The following FAM227B variants were observed in gnomAD, a reference collection of about 807,000 sequenced individuals.
FAM227B encodes the protein protein FAM227B.
FAM227B carries 88 observed loss-of-function variants against 73.8 expected under a neutral mutation model. That is an observed-to-expected ratio of 1.19 (90% confidence interval 1.00 to 1.42). The LOEUF is 1.42. FAM227B is among the 40% of genes most tolerant of loss of function. The probability of loss-of-function intolerance (pLI) is 0.00; values close to 1 mark genes in which losing one functional copy is unlikely to be tolerated. For synonymous variants in FAM227B, 210 were observed against 190.5 expected (o/e 1.10, Z -0.84); for missense variants, 632 against 590.9 (o/e 1.07, Z -0.72).
intron 11 of FAM227B, among the ~76,000 whole-genome samples, chr15:49,480,722 T>C (rs1567362211): frequency 1.3e-5 from 2 of 151,956 alleles, no homozygotes; most frequent in Non-Finnish European, 1.5e-5. Context: ...ACCTCAAGTG[T>C]TCCGCCTGAC....
chr15:49,424,248 A>C (rs756338860), intron 11 of FAM227B: 6 of 1,521,578 alleles, frequency 3.9e-6, no homozygotes, highest in South Asian at 1.2e-5. Context: ...AATCAACTCA[A>C]GATTCATTTT....
intron 10 of FAM227B, among the ~76,000 whole-genome samples, chr15:49,532,616 C>A (rs1473543963): frequency 6.6e-6 from 1 of 151,456 alleles, no homozygotes; most frequent in African/African-American, 2.4e-5. Context: ...TATGCCATAT[C>A]TTCTTAAAAA....
chr15:49,493,625 T>C (rs1286824859), intron 11 of FAM227B, among the ~76,000 whole-genome samples: 1 of 151,970 alleles, frequency 6.6e-6, no homozygotes, highest in Non-Finnish European at 1.5e-5. Context: ...ATCTATGCCA[T>C]TAATCTAGCA....
intron 11 of FAM227B, chr15:49,422,751 A>G: frequency 7.5e-7 from 1 of 1,330,284 alleles, no homozygotes; most frequent in Admixed American, 2.0e-5. Flanking sequence ...ACTTATATTC[A>G]TATTCAATGA....
intron 9 of FAM227B, among the ~76,000 whole-genome samples, chr15:49,543,374 A>AT (rs1598057935): frequency 6.6e-6 from 1 of 151,894 alleles, no homozygotes; most frequent in Non-Finnish European, 1.5e-5. Flanking sequence ...TTTCTTGCTG[A>AT]TTCGTTTGAG....
chr15:49,462,870 TAA>T (rs149919256), intron 11 of FAM227B, among the ~76,000 whole-genome samples: 3,985 of 152,288 alleles, frequency 0.026, 186 homozygotes, highest in African/African-American at 0.092. Context: ...ACATTCAAAA[TAA>T]ATAAATACAT....
intron 11 of FAM227B, among the ~76,000 whole-genome samples, chr15:49,423,820 TG>T (rs202011005): frequency 0.014 from 2,095 of 152,248 alleles, 27 homozygotes; most frequent in Non-Finnish European, 0.019. Flanking sequence ...AGTCATATTC[TG>T]TTTTGTCTCT....
At chr15:49,333,096 A>G (rs1035024697) in intron 14 of FAM227B, among the ~76,000 whole-genome samples, 1 of 152,108 alleles carries the variant, frequency 6.6e-6, no homozygotes, top group Non-Finnish European at 1.5e-5. Flanking sequence ...CTAAGTTAAA[A>G]TCACTCCCTC....
chr15:49,399,946 G>C (rs1395025379), intron 11 of FAM227B, among the ~76,000 whole-genome samples: 1 of 114,004 alleles, frequency 8.8e-6, no homozygotes, highest in East Asian at 2.5e-4. Context: ...GCACAAGACA[G>C]GGATGCCCTC....
intron 11 of FAM227B, among the ~76,000 whole-genome samples, chr15:49,388,543 C>G (rs527582694): frequency 1.3e-4 from 20 of 151,932 alleles, no homozygotes; most frequent in African/African-American, 3.9e-4. Context: ...TAGAAGACAA[C>G]GTTGGAAAAA....
intron 11 of FAM227B, among the ~76,000 whole-genome samples, chr15:49,426,871 G>A (rs917570100): frequency 2.0e-5 from 3 of 151,790 alleles, no homozygotes; most frequent in Non-Finnish European, 2.9e-5. Context: ...TCTTGATATC[G>A]TTAATTATCC....
chr15:49,383,937 G>T (rs1225887083), intron 11 of FAM227B, among the ~76,000 whole-genome samples: 2 of 152,072 alleles, frequency 1.3e-5, no homozygotes, highest in Admixed American at 6.6e-5. Context: ...ACCTGGCTTT[G>T]AATGAGGAGC....
At chr15:49,492,482 TA>T in intron 11 of FAM227B, among the ~76,000 whole-genome samples, 1 of 152,026 alleles carries the variant, frequency 6.6e-6, no homozygotes, top group Admixed American at 6.6e-5. Flanking sequence ...TTTACAGCGT[TA>T]ATTATTAATT....
rs1385289120 is a variant in FAM227B at position 49,395,227 on chromosome 15, G to C, written c.1013-23828C>G. The stretch of plus-strand genomic sequence containing the variant: ...TGGTATTTTCTTTTTCTATTGCTTT[G>C]TTTTCAACTTTTCTAGGGGGTTTTA... On this transcript the variant is annotated intron_variant, in intron 11 of 15. Transcript: ENST00000299338. Among the ~76,000 whole-genome samples the C allele has an allele frequency of 5.9e-5, 9 of 151,574 alleles. No individual in the cohort carries two copies. The South Asian group carries it at 1.7e-3, about 28-fold the overall frequency.
chr15:49,375,688 C>T (rs968188951), intron 11 of FAM227B, among the ~76,000 whole-genome samples: 1 of 151,986 alleles, frequency 6.6e-6, no homozygotes, highest in Non-Finnish European at 1.5e-5. Context: ...GAATGAAAAA[C>T]ATTTTTTAAA....
At chr15:49,405,406 G>T (rs147122907) in intron 11 of FAM227B, among the ~76,000 whole-genome samples, 14 of 152,200 alleles carry the variant, frequency 9.2e-5, no homozygotes, top group African/African-American at 3.4e-4. Context: ...CATAGAGTTG[G>T]TTTCTTTAAA....
intron 13 of FAM227B, among the ~76,000 whole-genome samples, chr15:49,338,189 G>T (rs532369337): frequency 1.3e-4 from 20 of 152,268 alleles, no homozygotes; most frequent in Non-Finnish European, 2.2e-4. Context: ...CTATCTGGTT[G>T]TTTTGCCCGT....
intron 13 of FAM227B, among the ~76,000 whole-genome samples, chr15:49,352,410 T>A (rs1212581656): frequency 6.6e-6 from 1 of 152,204 alleles, no homozygotes; most frequent in African/African-American, 2.4e-5. Context: ...TTGAAAAATA[T>A]AATCTGCCAT....
Position 49,366,472 on chromosome 15 carries a change from T to C in FAM227B, c.1271+976A>G. 1.0e-5 allele frequency: 11 copies of C among 1,061,018 alleles called. No individual in the cohort carries two copies. The South Asian group carries it at 1.4e-4, about 13-fold the overall frequency. 65.7% of individuals were successfully genotyped at this position (1,061,018 alleles called of 1,614,324 possible). A position where few individuals can be genotyped will look rare whatever the true frequency, so the allele number is the denominator to read the frequency against. Reference sequence around the variant, plus strand: ...GAGGAACATCAGAAAGGTTGCATAGTGGTGCGGAAGTCAGATTCATCAAAC... The same window carrying C: ...GAGGAACATCAGAAAGGTTGCATAGCGGTGCGGAAGTCAGATTCATCAAAC... On this transcript the variant is annotated intron_variant, in intron 13 of 15. Transcript: ENST00000299338.
Sources: gnomAD v4.1 joint callset for allele counts (sites outside exome capture counted in the v4.1 genomes callset) on GRCh38, gnomAD v4.1.1 for gene constraint, MANE v1.5 for transcripts, NCBI Gene and HGNC (gene_info 2026-07-23, HGNC 2026-07-21) for gene names.